Variants in FRMD4A observed in about 807,000 individuals in gnomAD.
The protein encoded by FRMD4A is FERM domain containing 4A, also known as FERM domain-containing protein 4A.
Under a neutral mutation model 129.1 loss-of-function variants are expected in FRMD4A, and 29 were observed. The ratio of observed to expected loss-of-function variants is 0.22; its 90% CI spans 0.17 to 0.31. The LOEUF (loss-of-function observed/expected upper bound fraction) is 0.31, where lower values mean the gene tolerates loss of function less well. FRMD4A is among the 10% of genes least tolerant of loss of function. The pLI, the probability that FRMD4A is intolerant of heterozygous loss-of-function variation, is 1.00. For missense variants in FRMD4A, 1,272 were observed against 1,375.8 expected (o/e 0.92, Z 1.19); for synonymous variants, 634 against 571.6 (o/e 1.11, Z -1.56).
intron 2 of FRMD4A, chr10:13,972,331 CA>C (rs1253738109): frequency 7.1e-6 from 7 of 985,876 alleles, no homozygotes; most frequent in Non-Finnish European, 8.4e-6. Flanking sequence ...TCCACAAGGT[CA>C]AGCAAAAAGT....
chr10:13,928,536 C>T (rs940143106), intron 2 of FRMD4A, among the ~76,000 whole-genome samples: 1 of 152,012 alleles, frequency 6.6e-6, no homozygotes, highest in Non-Finnish European at 1.5e-5. Context: ...AGATAAAGAC[C>T]CTTACTAGAA....
At chr10:14,010,664 C>CT (rs779471389) in intron 2 of FRMD4A, among the ~76,000 whole-genome samples, 7,691 of 76,368 alleles carry the variant, frequency 0.1, 709 homozygotes, top group East Asian at 0.23. Context: ...GAGTTTAGGT[C>CT]TTTTTTTTTT....
intron 2 of FRMD4A, among the ~76,000 whole-genome samples, chr10:14,278,858 GCTT>G (rs1179709974): frequency 9.2e-5 from 14 of 152,134 alleles, no homozygotes; most frequent in Admixed American, 4.6e-4. Flanking sequence ...TTTATTTTCT[GCTT>G]TTTTGCTTTT....
chr10:13,810,720 G>T, intron 4 of FRMD4A, 94 bp downstream of exon 4: 1 of 606,912 alleles, frequency 1.6e-6, no homozygotes, highest in Non-Finnish European at 2.9e-6. Context: ...CAAGTGGTCT[G>T]CAGCTGATTT....
chr10:13,835,367 T>C (rs10796137), intron 3 of FRMD4A, among the ~76,000 whole-genome samples: 46,924 of 152,108 alleles, frequency 0.31, 7,612 homozygotes, highest in Middle Eastern at 0.46. Flanking sequence ...TGTGGTTATA[T>C]ACCTTTACAT....
intron 2 of FRMD4A, among the ~76,000 whole-genome samples, chr10:14,089,693 T>C (rs934594125): frequency 1.3e-5 from 2 of 149,392 alleles, no homozygotes; most frequent in South Asian, 4.2e-4. Flanking sequence ...GTAGTTTCCC[T>C]GGAAAATTTT....
chr10:13,677,097 T>C (rs551863379), intron 15 of FRMD4A, among the ~76,000 whole-genome samples: 1 of 152,332 alleles, frequency 6.6e-6, no homozygotes, highest in Admixed American at 6.5e-5. Flanking sequence ...TATACTATTC[T>C]TCTATTTAAC....
chr10:13,712,253 A>G (rs7917372), intron 12 of FRMD4A, among the ~76,000 whole-genome samples: 108,839 of 152,180 alleles, frequency 0.72, 39,152 homozygotes, highest in East Asian at 0.85. Flanking sequence ...CAGGCATGGT[A>G]GCTCACGCTT....
At position 13,821,631 on chromosome 10, in the gene FRMD4A, C is replaced by T. The variant is rs1455099558; in HGVS notation, c.112-10723G>A. The stretch of plus-strand genomic sequence containing the variant: ...AGCCAGCCCTAGAAACCAGAAACAC[C>T]TGAAGTAGACACCAGGATTGCCCCC... On this transcript the variant is annotated intron_variant, in intron 3 of 24. Transcript: ENST00000357447. The surrounding 1 kb of genome is among the most constrained non-coding windows in gnomAD (Gnocchi z 4.3). 6.6e-6 allele frequency among the ~76,000 whole-genome samples: 1 copy of T among 152,174 alleles called. No individual in the cohort carries two copies. Among genetic ancestry groups the T allele is most frequent in the Non-Finnish European group, 1.5e-5 (1 of 68,030 alleles).
chr10:14,058,812 A>G (rs1834668273), intron 2 of FRMD4A, among the ~76,000 whole-genome samples: 1 of 152,126 alleles, frequency 6.6e-6, no homozygotes, highest in Admixed American at 6.5e-5. Context: ...ATGATTACAC[A>G]TATCCACCTG....
intron 2 of FRMD4A, among the ~76,000 whole-genome samples, chr10:14,050,742 A>T (rs1185054674): frequency 6.6e-6 from 1 of 152,216 alleles, no homozygotes; most frequent in Non-Finnish European, 1.5e-5. Flanking sequence ...CCTAATGGAC[A>T]GGCTTTGGAG....
chr10:13,659,865 C>CG (rs374125983), intron 20 of FRMD4A, among the ~76,000 whole-genome samples: 6 of 58,888 alleles, frequency 1.0e-4, no homozygotes, highest in Non-Finnish European at 1.5e-4. Context: ...TGCCTTCCCC[C>CG]CCAAAAAAAA....
Position 14,193,139 on chromosome 10 carries a change from G to A in FRMD4A, c.45+136919C>T, listed in dbSNP as rs983559730. ...GGATTTCTGGTAATCATGATCTTGG[G>A]AAGAACACAGTCTTACTCCTGATGA... On this transcript the variant is annotated intron_variant, in intron 2 of 24. Transcript: ENST00000357447. Among the ~76,000 whole-genome samples the A allele has an allele frequency of 5.3e-5, 8 of 152,260 alleles. No homozygotes were observed. In the South Asian group the frequency reaches 1.7e-3, roughly 32 times the overall value.
At chr10:14,260,374 T>C (rs575225177) in intron 2 of FRMD4A, among the ~76,000 whole-genome samples, 3 of 152,280 alleles carry the variant, frequency 2.0e-5, no homozygotes, top group East Asian at 1.9e-4. Flanking sequence ...TCTGCAAATA[T>C]TGACACCACA....
At chr10:14,221,834 T>C (rs1231097872) in intron 2 of FRMD4A, among the ~76,000 whole-genome samples, 1 of 152,106 alleles carries the variant, frequency 6.6e-6, no homozygotes, top group African/African-American at 2.4e-5. Context: ...GGGTTACAGA[T>C]GTGAGTCACA....
chr10:14,260,850 A>C (rs1472302789), intron 2 of FRMD4A, among the ~76,000 whole-genome samples: 1 of 152,242 alleles, frequency 6.6e-6, no homozygotes, highest in African/African-American at 2.4e-5. Flanking sequence ...CCAAGGACCA[A>C]AGCAAACAGA....
intron 2 of FRMD4A, among the ~76,000 whole-genome samples, chr10:14,300,834 A>G (rs1268058191): frequency 1.3e-5 from 2 of 152,184 alleles, no homozygotes; most frequent in Non-Finnish European, 2.9e-5. Context: ...TTACCTAAAG[A>G]GAGATCTCAC....
At chr10:13,661,841 C>G (rs1195594251) in intron 19 of FRMD4A, among the ~76,000 whole-genome samples, 1 of 152,148 alleles carries the variant, frequency 6.6e-6, no homozygotes, top group African/African-American at 2.4e-5. Context: ...TCACTTGCCC[C>G]TAAATCCATT....
chr10:13,747,710 C>T (rs1163127229), intron 9 of FRMD4A, 26 bp downstream of exon 9: 1 of 1,288,252 alleles, frequency 7.8e-7, no homozygotes, highest in Non-Finnish European at 1.1e-6. Context: ...GGGACTCGCT[C>T]CTGGGGAAGA....
Sources: allele counts gnomAD v4.1 joint callset (sites outside exome capture counted in the v4.1 genomes callset), GRCh38; gene constraint gnomAD v4.1.1; non-coding constraint Gnocchi (gnomAD v3.1); transcripts MANE v1.5; gene names NCBI Gene and HGNC (gene_info 2026-07-23, HGNC 2026-07-21).